The following DPP10 variants were observed in gnomAD, a reference collection of about 807,000 sequenced individuals.
The protein encoded by DPP10 is inactive dipeptidyl peptidase 10.
A neutral mutation model predicts 120.9 loss-of-function variants in DPP10; 33 were observed. The observed-to-expected ratio is 0.27, with a 90% CI of 0.21 to 0.37. The LOEUF (loss-of-function observed/expected upper bound fraction) is 0.37, where lower values mean the gene tolerates loss of function less well. Among genes scored for constraint, DPP10 ranks in the 10% least tolerant of loss-of-function variants. The pLI is 1.00. For synonymous variants in DPP10, 337 were observed against 326.1 expected (o/e 1.03, Z -0.36); for missense variants, 816 against 942.8 (o/e 0.87, Z 1.76).
At chr2:114,820,563 A>G (rs1165867426) in intron 1 of DPP10, among the ~76,000 whole-genome samples, 1 of 152,236 alleles carries the variant, frequency 6.6e-6, no homozygotes, top group Non-Finnish European at 1.5e-5. Context: ...ATTGACTCAC[A>G]GTGCAGCATG....
intron 2 of DPP10, among the ~76,000 whole-genome samples, chr2:115,316,652 C>T (rs1422647497): frequency 1.3e-5 from 2 of 152,126 alleles, no homozygotes; most frequent in Non-Finnish European, 2.9e-5. Context: ...ATTTTCCATC[C>T]TAAACCACAT....
rs368909898 is a variant in DPP10, at chr2:115,840,806, G to C, written c.2239G>C (p.Val747Leu). The C allele has an allele frequency of 2.5e-6, 4 of 1,613,450 alleles. No individual in the cohort carries two copies. The African/African-American group carries it at 5.3e-5, about 22-fold the overall frequency. Reference protein sequence around the residue: ...ELIKHLIKAGVNYTMQVYPDE... With the variant: ...ELIKHLIKAGLNYTMQVYPDE... ...AATCAAGCACCTAATAAAAGCTGGAGTGAATTATACTATGCAGGTAAGCTA... is the reference window on the plus strand; with the variant it reads ...AATCAAGCACCTAATAAAAGCTGGACTGAATTATACTATGCAGGTAAGCTA... Residue 747 changes from valine to leucine, a missense_variant, in exon 25 of 26, where the codon GTG becomes CTG. Physicochemically the swap from Val to Leu is conservative, Grantham distance 32 (BLOSUM62 1). Coordinates refer to ENST00000410059, the MANE Select transcript of DPP10 (RefSeq NM_020868.6).
intron 1 of DPP10, among the ~76,000 whole-genome samples, chr2:114,573,089 C>A (rs1452562731): frequency 6.6e-6 from 1 of 152,070 alleles, no homozygotes; most frequent in African/African-American, 2.4e-5. Context: ...GTCTAATGAT[C>A]CTCCCACCTC....
At chr2:115,781,066 G>C in intron 16 of DPP10, 71 bp downstream of exon 16, 1 of 1,266,260 alleles carries the variant, frequency 7.9e-7, no homozygotes, top group Non-Finnish European at 1.1e-6. Context: ...GTTGGTATCA[G>C]CAACTATTAC....
chr2:114,525,426 A>G (rs1685420661), intron 1 of DPP10, among the ~76,000 whole-genome samples: 1 of 152,190 alleles, frequency 6.6e-6, no homozygotes, highest in African/African-American at 2.4e-5. Context: ...ACATGTGTTA[A>G]AAGTGTAGTA....
chr2:114,892,605 C>T (rs1692630855), intron 1 of DPP10, among the ~76,000 whole-genome samples: 1 of 152,190 alleles, frequency 6.6e-6, no homozygotes, highest in Admixed American at 6.5e-5. Context: ...ACCGCTGAGC[C>T]CCGCTTGGCA....
chr2:115,665,113 G>A (rs764567644), intron 5 of DPP10, among the ~76,000 whole-genome samples: 1 of 152,066 alleles, frequency 6.6e-6, no homozygotes, highest in Admixed American at 6.6e-5. Flanking sequence ...AAATACTCTG[G>A]TGACATAGTA....
intron 7 of DPP10, among the ~76,000 whole-genome samples, chr2:115,721,468 A>G (rs1267669820): frequency 6.6e-6 from 1 of 152,200 alleles, no homozygotes. Context: ...TTTATTCATA[A>G]ACATGTATAA....
chr2:114,965,515 A>T (rs1291449353), intron 1 of DPP10, among the ~76,000 whole-genome samples: 1 of 152,130 alleles, frequency 6.6e-6, no homozygotes, highest in Non-Finnish European at 1.5e-5. Flanking sequence ...TATAAATCTG[A>T]AGATTAGGAG....
intron 4 of DPP10, among the ~76,000 whole-genome samples, chr2:115,516,869 A>T (rs13424569): frequency 0.014 from 2,145 of 152,256 alleles, 55 homozygotes; most frequent in African/African-American, 0.049. Context: ...TGATAAATTT[A>T]AAAGCTGCTT....
At position 114,874,460 on chromosome 2, in the gene DPP10, T is replaced by G. The variant is rs545551702; in HGVS notation, c.60+431622T>G. Among the ~76,000 whole-genome samples the G allele has an allele frequency of 2.6e-5, 4 of 152,086 alleles. No homozygotes were observed. The South Asian group carries it at 8.3e-4, about 32-fold the overall frequency. ...TGCAGTGACAGCAACCAAAATGAGA[T>G]TACGGAGTAGACTGGACATAAGCAA... On this transcript the variant is annotated intron_variant, in intron 1 of 25. Transcript: ENST00000410059.
intron 1 of DPP10, among the ~76,000 whole-genome samples, chr2:115,086,853 G>A (rs1708749452): frequency 7.0e-6 from 1 of 143,566 alleles, no homozygotes; most frequent in Non-Finnish European, 1.5e-5. Context: ...CACATGTCAG[G>A]ACCTCCTGAG....
At chr2:115,240,484 T>G (rs1359551747) in intron 1 of DPP10, among the ~76,000 whole-genome samples, 1 of 152,184 alleles carries the variant, frequency 6.6e-6, no homozygotes, top group Non-Finnish European at 1.5e-5. Flanking sequence ...TTTAAGTTCT[T>G]TGTAGATTCT....
At chr2:114,501,686 TG>T (rs1683196720) in intron 1 of DPP10, among the ~76,000 whole-genome samples, 2 of 152,184 alleles carry the variant, frequency 1.3e-5, no homozygotes, top group Admixed American at 1.3e-4. Context: ...CATTACATCT[TG>T]GGGCACAATC....
chr2:115,383,397 C>A (rs549276304), intron 3 of DPP10, among the ~76,000 whole-genome samples: 1 of 152,190 alleles, frequency 6.6e-6, no homozygotes, highest in Non-Finnish European at 1.5e-5. Flanking sequence ...TGAGTCCTCC[C>A]CAGCCATGTG....
At chr2:114,556,230 G>GATATATATATAT (rs1237590391) in intron 1 of DPP10, among the ~76,000 whole-genome samples, 4 of 27,892 alleles carry the variant, frequency 1.4e-4, no homozygotes, top group African/African-American at 5.5e-4. Flanking sequence ...ATACATAGAT[G>GATATATATATAT]ATACATATAT....
At chr2:114,740,505 T>TAAC (rs1338828899) in intron 1 of DPP10, among the ~76,000 whole-genome samples, 2 of 147,336 alleles carry the variant, frequency 1.4e-5, no homozygotes, top group African/African-American at 5.1e-5. Context: ...CTTAAAGTAA[T>TAAC]AATAAAATAA....
chr2:115,340,088 A>G (rs759755754), intron 2 of DPP10, among the ~76,000 whole-genome samples: 3 of 152,302 alleles, frequency 2.0e-5, no homozygotes, highest in African/African-American at 7.2e-5. Flanking sequence ...TTGCAACTTC[A>G]TATGAATCTT....
chr2:114,451,268 A>G (rs1277981050), intron 1 of DPP10, among the ~76,000 whole-genome samples: 1 of 152,114 alleles, frequency 6.6e-6, no homozygotes, highest in Non-Finnish European at 1.5e-5. Context: ...CAGTGAGCAC[A>G]GCATGGTGTG....
Sources: allele counts gnomAD v4.1 joint callset (sites outside exome capture counted in the v4.1 genomes callset), GRCh38; gene constraint gnomAD v4.1.1; transcripts MANE v1.5; gene names NCBI Gene and HGNC (gene_info 2026-07-23, HGNC 2026-07-21).